CLPB: variants seen among roughly 807,000 people sequenced by gnomAD.
CLPB encodes the protein mitochondrial disaggregase.
Under a neutral mutation model 78.4 loss-of-function variants are expected in CLPB, and 40 were observed. That is an observed-to-expected ratio of 0.51 (90% CI 0.40 to 0.66). The LOEUF (loss-of-function observed/expected upper bound fraction) is 0.66, where lower values mean the gene tolerates loss of function less well. Ranked by LOEUF, CLPB falls within the 30% of genes least tolerant of loss-of-function variation. CLPB has a pLI of 0.00. For synonymous variants in CLPB, 333 were observed against 348.0 expected (o/e 0.96, Z 0.48); for missense variants, 780 against 886.9 (o/e 0.88, Z 1.53).
chr11:72,334,564 C>T lies in CLPB; in HGVS notation c.776-4760G>A, dbSNP rs373038612. On this transcript the variant is annotated intron_variant, in intron 5 of 15. Coordinates refer to ENST00000538039, the MANE Select transcript of CLPB (RefSeq NM_001258392.3). ...TCGATTTCACCTCCACGACCAACGGCCACAAACCATTACAGTCCAATAAAT... is the reference window on the plus strand; with the variant it reads ...TCGATTTCACCTCCACGACCAACGGTCACAAACCATTACAGTCCAATAAAT... 1.3e-3 allele frequency among the ~76,000 whole-genome samples: 205 copies of T among 152,370 alleles called. 7 individuals are homozygous for T. The South Asian group carries it at 0.042, about 31-fold the overall frequency.
chr11:72,310,182 G>A (rs1379277183), intron 7 of CLPB, among the ~76,000 whole-genome samples: 1 of 152,162 alleles, frequency 6.6e-6, no homozygotes, highest in Non-Finnish European at 1.5e-5. Context: ...TTCTCATCTC[G>A]ATCTCTAATG....
intron 6 of CLPB, among the ~76,000 whole-genome samples, chr11:72,321,608 A>C (rs934636848): frequency 6.6e-6 from 1 of 152,208 alleles, no homozygotes; most frequent in Non-Finnish European, 1.5e-5. Flanking sequence ...GGGATATGGC[A>C]GGCATCCCAA....
intron 2 of CLPB, among the ~76,000 whole-genome samples, chr11:72,409,439 C>A (rs1855809129): frequency 6.6e-6 from 1 of 152,012 alleles, no homozygotes; most frequent in South Asian, 2.1e-4. Context: ...CAAAAATTAG[C>A]CGGGCGTGGT....
intron 5 of CLPB, among the ~76,000 whole-genome samples, chr11:72,344,102 C>T (rs2084226444): frequency 6.6e-6 from 1 of 152,156 alleles, no homozygotes; most frequent in African/African-American, 2.4e-5. Context: ...AGAGGTAGGG[C>T]TATGAATGTC....
At chr11:72,426,994 G>C (rs1030684649) in intron 2 of CLPB, among the ~76,000 whole-genome samples, 1 of 152,126 alleles carries the variant, frequency 6.6e-6, no homozygotes, top group African/African-American at 2.4e-5. Flanking sequence ...AGAGGCAAAG[G>C]AAGATGAGAT....
intron 4 of CLPB, among the ~76,000 whole-genome samples, chr11:72,377,031 C>T (rs1323481141): frequency 6.6e-6 from 1 of 152,110 alleles, no homozygotes; most frequent in Non-Finnish European, 1.5e-5. Context: ...TCCCTAAGAA[C>T]AATAAATCAA....
chr11:72,379,124 C>T (rs1055513366), intron 4 of CLPB, among the ~76,000 whole-genome samples: 3 of 152,214 alleles, frequency 2.0e-5, no homozygotes, highest in Non-Finnish European at 2.9e-5. Context: ...GGGGCAGCAA[C>T]AACACCGCTA....
At chr11:72,425,068 T>G (rs1252414196) in intron 2 of CLPB, among the ~76,000 whole-genome samples, 4 of 152,176 alleles carry the variant, frequency 2.6e-5, no homozygotes, top group African/African-American at 9.7e-5. Flanking sequence ...GGACTGAGAT[T>G]CTGTCTCAAA....
At chr11:72,391,786 C>T (rs1016590840) in intron 3 of CLPB, among the ~76,000 whole-genome samples, 8 of 152,188 alleles carry the variant, frequency 5.3e-5, no homozygotes, top group African/African-American at 1.9e-4. Context: ...TAAGTGGCAG[C>T]TCCTGAGATT....
At chr11:72,387,233 A>G (rs765211619) in intron 3 of CLPB, among the ~76,000 whole-genome samples, 20 of 152,378 alleles carry the variant, frequency 1.3e-4, no homozygotes, top group Middle Eastern at 3.4e-3. Context: ...ATGAAAACTA[A>G]TAATTGTAGA....
chr11:72,308,698 G>A (rs1229976705), intron 7 of CLPB, 94 bp from the exon 8 acceptor site: 1 of 1,120,996 alleles, frequency 8.9e-7, no homozygotes, highest in Non-Finnish European at 1.4e-6. Flanking sequence ...TATACAATAT[G>A]TTTTACTGCT....
chr11:72,355,560 A>T (rs969740405), intron 5 of CLPB, among the ~76,000 whole-genome samples: 1 of 152,226 alleles, frequency 6.6e-6, no homozygotes, highest in East Asian at 1.9e-4. Context: ...GTGTTATTTT[A>T]GATGTACGAA....
At chr11:72,401,371 G>A (rs549399706) in intron 3 of CLPB, among the ~76,000 whole-genome samples, 24 of 152,278 alleles carry the variant, frequency 1.6e-4, no homozygotes, top group African/African-American at 5.8e-4. Context: ...AACCTGGGAG[G>A]TGGAGGGTTG....
At position 72,374,626 on chromosome 11, in the gene CLPB, G is replaced by A. The variant is rs117093268; in HGVS notation, c.646+5655C>T. Among the ~76,000 whole-genome samples, 427 of 152,338 alleles carry A rather than the reference G, an allele frequency of 2.8e-3. 13 individuals carry two copies. The South Asian group carries it at 0.046, about 16-fold the overall frequency. ...TAAAGAGCAAATGCTCACATGACAT[G>A]GGAGAAGAGTGTCACTAGGAATGGC... On this transcript the variant is annotated intron_variant, in intron 4 of 15. Coordinates refer to ENST00000538039, the MANE Select transcript of CLPB (RefSeq NM_001258392.3).
chr11:72,385,246 G>A (rs1279080600), intron 3 of CLPB, among the ~76,000 whole-genome samples: 1 of 152,140 alleles, frequency 6.6e-6, no homozygotes, highest in East Asian at 1.9e-4. Context: ...ATAAGAAGAG[G>A]GAGTATGACC....
At chr11:72,350,624 A>G (rs2135589138) in intron 5 of CLPB, among the ~76,000 whole-genome samples, 1 of 152,346 alleles carries the variant, frequency 6.6e-6, no homozygotes, top group Admixed American at 6.5e-5. Context: ...AAGGGAAGAG[A>G]GAGGTTTACA....
intron 2 of CLPB, among the ~76,000 whole-genome samples, chr11:72,416,735 C>CA (rs35655496): frequency 0.016 from 808 of 49,636 alleles, 6 homozygotes; most frequent in South Asian, 0.03. Context: ...GACTCCGTCT[C>CA]AAAAAAAAAA....
chr11:72,373,946 G>A (rs1474555543), intron 4 of CLPB, among the ~76,000 whole-genome samples: 1 of 129,058 alleles, frequency 7.7e-6, no homozygotes, highest in Non-Finnish European at 1.6e-5. Context: ...GGTAACAAGA[G>A]CGAAACTCTG....
chr11:72,419,816 C>G (rs1172506731), intron 2 of CLPB, among the ~76,000 whole-genome samples: 2 of 152,192 alleles, frequency 1.3e-5, no homozygotes, highest in Non-Finnish European at 1.5e-5. Context: ...TCCTTTGCAG[C>G]ATTTGTACTA....
Sources: allele counts gnomAD v4.1 joint callset (sites outside exome capture counted in the v4.1 genomes callset), GRCh38; gene constraint gnomAD v4.1.1; transcripts MANE v1.5; gene names NCBI Gene and HGNC (gene_info 2026-07-23, HGNC 2026-07-21).